The following DENND5A variants were observed in gnomAD, a reference collection of about 807,000 sequenced individuals.
The protein encoded by DENND5A is DENN domain containing 5A, also known as DENN domain-containing protein 5A.
DENND5A carries 64 observed loss-of-function variants against 140.3 expected under a neutral mutation model. The observed-to-expected ratio is 0.46, with a 90% CI of 0.37 to 0.56. DENND5A has a LOEUF of 0.56. DENND5A is among the 20% of genes least tolerant of loss of function. DENND5A has a pLI of 0.00. For missense variants in DENND5A, 1,292 were observed against 1,593.8 expected (o/e 0.81, Z 3.22); for synonymous variants, 605 against 607.7 (o/e 1.00, Z 0.07).
chr11:9,215,584 G>A (rs1184780243), intron 1 of DENND5A, among the ~76,000 whole-genome samples: 1 of 140,468 alleles, frequency 7.1e-6, no homozygotes, highest in Non-Finnish European at 1.5e-5. Flanking sequence ...GTCTCGCTCT[G>A]TCGCCCAGGC....
intron 12 of DENND5A, among the ~76,000 whole-genome samples, chr11:9,152,992 C>T (rs1195996349): frequency 1.4e-4 from 19 of 135,710 alleles, no homozygotes; most frequent in Non-Finnish European, 2.5e-4. Context: ...GGTGAGACGC[C>T]GTCTCAAAAA....
intron 5 of DENND5A, 98 bp from the exon 6 acceptor site, chr11:9,181,182 C>G: frequency 1.0e-6 from 1 of 970,754 alleles, no homozygotes. Context: ...AAACAAAACA[C>G]CTGAAATGGC....
chr11:9,263,647 C>T (rs1416038842), intron 1 of DENND5A, among the ~76,000 whole-genome samples: 6 of 145,194 alleles, frequency 4.1e-5, no homozygotes, highest in Non-Finnish European at 9.1e-5. Flanking sequence ...TCGAGACCAT[C>T]CTGGCTAACA....
At chr11:9,212,767 C>G (rs1264964520) in intron 1 of DENND5A, among the ~76,000 whole-genome samples, 3 of 152,034 alleles carry the variant, frequency 2.0e-5, no homozygotes, top group South Asian at 2.1e-4. Flanking sequence ...TAGACCTGTA[C>G]AGGAATGAGA....
At chr11:9,229,444 G>A (rs1301446958) in intron 1 of DENND5A, among the ~76,000 whole-genome samples, 1 of 152,042 alleles carries the variant, frequency 6.6e-6, no homozygotes, top group Non-Finnish European at 1.5e-5. Context: ...CAGAAGCAAA[G>A]TCTCTCCTTG....
At chr11:9,180,159 TAA>T (rs1221593512) in intron 6 of DENND5A, among the ~76,000 whole-genome samples, 2 of 152,164 alleles carry the variant, frequency 1.3e-5, no homozygotes, top group South Asian at 2.1e-4. Flanking sequence ...GCAATGGATC[TAA>T]AAGAGATCTG....
In DENND5A at chr11:9,203,769, G is replaced by A. The variant is rs766469587; in HGVS notation, c.840C>T (p.Pro280=). The change falls in exon 4 of 23, where the codon CCC becomes CCT. Residue 280 remains proline, a synonymous_variant. Transcript: ENST00000328194. ...CCTCTTTGACAGGAAAGTCAAATAG[G>A]GGAAGCTCATTGGTACTTGGTCTCT... The part of the protein sequence containing the change: ...ICQRPSTNEL[P]LFDFPVKEVF... 3 of 1,614,140 alleles carry A rather than the reference G, an allele frequency of 1.9e-6. No individual in the cohort carries two copies. The South Asian group carries it at 3.3e-5, about 18-fold the overall frequency.
At chr11:9,244,231 T>G (rs1344135362) in intron 1 of DENND5A, among the ~76,000 whole-genome samples, 1 of 152,236 alleles carries the variant, frequency 6.6e-6, no homozygotes, top group African/African-American at 2.4e-5. Context: ...TGCTGTGGTT[T>G]AAATGTGTCC....
intron 4 of DENND5A, among the ~76,000 whole-genome samples, chr11:9,198,857 G>T (rs912066184): frequency 3.2e-4 from 48 of 151,018 alleles, no homozygotes; most frequent in African/African-American, 1.1e-3. Flanking sequence ...GATCACCTGA[G>T]ATCAGGAGTT....
In DENND5A at chr11:9,190,886, T is replaced by G. The variant is rs56768768; in HGVS notation, c.1137+2608A>C. Among the ~76,000 whole-genome samples the G allele has an allele frequency of 4.7e-3, 709 of 152,254 alleles. 3 individuals are homozygous for G. Among genetic ancestry groups the G allele is most frequent in the African/African-American group, 0.016 (672 of 41,552 alleles). On this transcript the variant is annotated intron_variant, in intron 5 of 22. Transcript: ENST00000328194. ...TCTTTCAAAGCCAGCTCTCTTCCCC[T>G]AGTCTAAGGTTTTCCACGGGAAATA...
intron 1 of DENND5A, among the ~76,000 whole-genome samples, chr11:9,220,129 T>C (rs1189827467): frequency 6.6e-6 from 1 of 152,078 alleles, no homozygotes; most frequent in Non-Finnish European, 1.5e-5. Flanking sequence ...AGAAAAATCA[T>C]ACTAAAAAAT....
chr11:9,192,300 G>A (rs1849154219), intron 5 of DENND5A, among the ~76,000 whole-genome samples: 4 of 152,064 alleles, frequency 2.6e-5, no homozygotes, highest in African/African-American at 2.4e-5. Flanking sequence ...CTCTTCTTGG[G>A]GCCCCTCACT....
intron 1 of DENND5A, among the ~76,000 whole-genome samples, chr11:9,224,715 G>A (rs879406909): frequency 7.9e-5 from 12 of 151,800 alleles, no homozygotes; most frequent in South Asian, 2.1e-4. Flanking sequence ...AAAAACAGCC[G>A]GGCGTGGTGG....
At chr11:9,146,983 A>G in intron 16 of DENND5A, 47 bp downstream of exon 16, 1 of 1,606,088 alleles carries the variant, frequency 6.2e-7, no homozygotes, top group South Asian at 1.1e-5. Context: ...AGGCAGGTTC[A>G]TAAAGACTGC....
intron 1 of DENND5A, among the ~76,000 whole-genome samples, chr11:9,252,917 A>G (rs1851793628): frequency 6.6e-6 from 1 of 150,872 alleles, no homozygotes; most frequent in Admixed American, 6.6e-5. Flanking sequence ...TGGCACAATC[A>G]TGGCTCACCA....
intron 11 of DENND5A, among the ~76,000 whole-genome samples, chr11:9,163,507 ATT>A (rs1479133132): frequency 6.6e-6 from 1 of 152,138 alleles, no homozygotes; most frequent in Non-Finnish European, 1.5e-5. Context: ...TGACTTAAGA[ATT>A]TTGACAGTCC....
chr11:9,170,884 G>A, intron 8 of DENND5A, 107 bp from the exon 9 acceptor site: 3 of 1,537,732 alleles, frequency 2.0e-6, no homozygotes, highest in Non-Finnish European at 2.6e-6. Context: ...TCCATTTCCA[G>A]CCAAGATAGA....
At chr11:9,191,898 C>A (rs892983870) in intron 5 of DENND5A, among the ~76,000 whole-genome samples, 1 of 152,122 alleles carries the variant, frequency 6.6e-6, no homozygotes, top group African/African-American at 2.4e-5. Flanking sequence ...TTGTTTAAAG[C>A]AAACAACAAA....
At chr11:9,215,915 C>T (rs1850076175) in intron 1 of DENND5A, among the ~76,000 whole-genome samples, 1 of 152,074 alleles carries the variant, frequency 6.6e-6, no homozygotes, top group Admixed American at 6.6e-5. Context: ...TAGTGAGCTC[C>T]CAGAGGCTAC....
Sources: allele counts gnomAD v4.1 joint callset (sites outside exome capture counted in the v4.1 genomes callset), GRCh38; gene constraint gnomAD v4.1.1; transcripts MANE v1.5; gene names NCBI Gene and HGNC (gene_info 2026-07-23, HGNC 2026-07-21).